LRMDA: variants seen among roughly 807,000 people sequenced by gnomAD.
LRMDA encodes the protein leucine rich melanocyte differentiation associated.
Under a neutral mutation model 29.8 loss-of-function variants are expected in LRMDA, and 18 were observed. The ratio of observed to expected loss-of-function variants is 0.60; its 90% CI spans 0.42 to 0.90. The LOEUF (loss-of-function observed/expected upper bound fraction) is 0.90, where lower values mean the gene tolerates loss of function less well. LRMDA is among the 40% of genes least tolerant of loss of function. The probability of loss-of-function intolerance (pLI) is 0.00; values close to 1 mark genes in which losing one functional copy is unlikely to be tolerated. For synonymous variants in LRMDA, 125 were observed against 109.4 expected (o/e 1.14, Z -0.89); for missense variants, 273 against 273.9 (o/e 1.00, Z 0.02).
chr10:75,814,406 T>C (rs1844021119), intron 2 of LRMDA, among the ~76,000 whole-genome samples: 1 of 152,188 alleles, frequency 6.6e-6, no homozygotes, highest in Admixed American at 6.5e-5. Flanking sequence ...TAGTTAGTGA[T>C]TTTCTTTTCA....
chr10:75,484,185 G>A (rs148785588), intron 2 of LRMDA, among the ~76,000 whole-genome samples: 1,639 of 152,118 alleles, frequency 0.011, 34 homozygotes, highest in African/African-American at 0.038. Flanking sequence ...CAAACTCCTG[G>A]GCTCAAGCAG....
chr10:75,656,415 A>G (rs758845619), intron 2 of LRMDA, among the ~76,000 whole-genome samples: 65 of 152,242 alleles, frequency 4.3e-4, no homozygotes, highest in Admixed American at 2.2e-3. Flanking sequence ...TGAATTACCT[A>G]TTGTTGGTTG....
chr10:76,134,944 A>G (rs2132141629), intron 5 of LRMDA, among the ~76,000 whole-genome samples: 1 of 152,352 alleles, frequency 6.6e-6, no homozygotes, highest in Middle Eastern at 3.4e-3. Flanking sequence ...ATGAAATGGA[A>G]AAAGGACTCA....
intron 5 of LRMDA, among the ~76,000 whole-genome samples, chr10:76,227,891 C>T (rs150111594): frequency 6.6e-6 from 1 of 152,248 alleles, no homozygotes; most frequent in East Asian, 1.9e-4. Context: ...ATGAGATACC[C>T]ACAGACCACA....
intron 6 of LRMDA, among the ~76,000 whole-genome samples, chr10:76,474,707 A>C (rs1393730621): frequency 6.6e-6 from 1 of 151,636 alleles, no homozygotes; most frequent in Admixed American, 6.6e-5. Context: ...GGCTATAATC[A>C]AAAAAGATAA....
intron 2 of LRMDA, among the ~76,000 whole-genome samples, chr10:75,898,709 G>T (rs978911480): frequency 2.6e-5 from 4 of 152,212 alleles, no homozygotes; most frequent in East Asian, 1.9e-4. Flanking sequence ...TAAGATAAAA[G>T]ACTTTATGGG....
chr10:76,303,643 C>G (rs1168973025), intron 5 of LRMDA, among the ~76,000 whole-genome samples: 1 of 151,738 alleles, frequency 6.6e-6, no homozygotes, highest in Non-Finnish European at 1.5e-5. Flanking sequence ...TTGTTGAACT[C>G]CAGTGATCTT....
chr10:75,567,140 A>T (rs1482705251), intron 2 of LRMDA, among the ~76,000 whole-genome samples: 1 of 151,470 alleles, frequency 6.6e-6, no homozygotes, highest in African/African-American at 2.4e-5. Flanking sequence ...GTCCTCTGCT[A>T]TTAGTTATTT....
intron 2 of LRMDA, among the ~76,000 whole-genome samples, chr10:75,858,807 G>T (rs1314080203): frequency 6.6e-6 from 1 of 152,198 alleles, no homozygotes; most frequent in Non-Finnish European, 1.5e-5. Flanking sequence ...CATACTAACT[G>T]CTGAGGCTCA....
chr10:75,742,022 C>T (rs766118111), intron 2 of LRMDA, among the ~76,000 whole-genome samples: 8 of 152,164 alleles, frequency 5.3e-5, no homozygotes, highest in Non-Finnish European at 7.3e-5. Context: ...CAGGCCATGC[C>T]GGCACCCTGA....
At chr10:75,893,313 C>T (rs1245403207) in intron 2 of LRMDA, among the ~76,000 whole-genome samples, 1 of 152,076 alleles carries the variant, frequency 6.6e-6, no homozygotes, top group Non-Finnish European at 1.5e-5. Context: ...ATTATGTTCT[C>T]CAGATAGTCA....
At chr10:76,532,287 T>A (rs868607939) in intron 6 of LRMDA, among the ~76,000 whole-genome samples, 1 of 152,184 alleles carries the variant, frequency 6.6e-6, no homozygotes, top group African/African-American at 2.4e-5. Flanking sequence ...ACCTCTACTT[T>A]TAATCATTGT....
chr10:76,149,039 A>C (rs1169722604), intron 5 of LRMDA, among the ~76,000 whole-genome samples: 1 of 152,184 alleles, frequency 6.6e-6, no homozygotes, highest in Non-Finnish European at 1.5e-5. Context: ...TTCTGTGTAT[A>C]TACATTTTCT....
At chr10:76,000,170 G>A (rs981330787) in intron 2 of LRMDA, among the ~76,000 whole-genome samples, 4 of 152,142 alleles carry the variant, frequency 2.6e-5, no homozygotes, top group African/African-American at 9.7e-5. Context: ...GGTTTTTGGT[G>A]ATGGAGGTGG....
rs78965967 is a variant in LRMDA at position 76,000,329 on chromosome 10, G to A, written c.132-35679G>A. 5.9e-3 allele frequency among the ~76,000 whole-genome samples: 902 copies of A among 152,258 alleles called. 44 individuals carry two copies. In the East Asian group the frequency reaches 0.13, roughly 22 times the overall value. The stretch of plus-strand genomic sequence containing the variant: ...CGTGTGAAATCTTGCAAATGAAGAT[G>A]GCTCCTACTGCGGTGTCTCCTGGGA... On this transcript the variant is annotated intron_variant, in intron 2 of 6. Coordinates refer to ENST00000611255, the MANE Select transcript of LRMDA (RefSeq NM_001305581.2).
At chr10:75,601,018 T>C (rs1840879011) in intron 2 of LRMDA, among the ~76,000 whole-genome samples, 1 of 152,250 alleles carries the variant, frequency 6.6e-6, no homozygotes, top group Non-Finnish European at 1.5e-5. Context: ...CGCACTTTGC[T>C]GCCTGGGGTG....
intron 5 of LRMDA, among the ~76,000 whole-genome samples, chr10:76,081,963 A>G (rs1349405619): frequency 1.3e-5 from 2 of 152,162 alleles, no homozygotes; most frequent in Admixed American, 6.5e-5. Context: ...GTGCCATAGA[A>G]CCAAGTAGCT....
intron 5 of LRMDA, among the ~76,000 whole-genome samples, chr10:76,251,401 C>T (rs935757814): frequency 6.0e-5 from 9 of 150,938 alleles, no homozygotes; most frequent in East Asian, 3.9e-4. Flanking sequence ...TACAGGCGCC[C>T]GCCACCGCGC....
intron 5 of LRMDA, among the ~76,000 whole-genome samples, chr10:76,279,053 T>G (rs1840170365): frequency 6.6e-6 from 1 of 152,212 alleles, no homozygotes; most frequent in Admixed American, 6.5e-5. Flanking sequence ...GAATAATGAC[T>G]GACTCAGACT....
Sources: allele counts gnomAD v4.1 joint callset (sites outside exome capture counted in the v4.1 genomes callset), GRCh38; gene constraint gnomAD v4.1.1; transcripts MANE v1.5; gene names NCBI Gene and HGNC (gene_info 2026-07-23, HGNC 2026-07-21).